Variants in DFFB observed in about 807,000 individuals in gnomAD.
The protein encoded by DFFB is DNA fragmentation factor subunit beta, also known as DNA fragmentation factor 40 kDa subunit.
In DFFB, 29 loss-of-function variants were observed where a neutral mutation model predicts 32.7. The observed-to-expected ratio is 0.89, with a 90% CI of 0.66 to 1.21. The LOEUF (loss-of-function observed/expected upper bound fraction) is 1.21. Among genes scored for constraint, DFFB ranks in the 50% most tolerant of loss-of-function variants. DFFB has a pLI of 0.00. For synonymous variants in DFFB, 170 were observed against 177.1 expected (o/e 0.96, Z 0.32); for missense variants, 398 against 440.6 (o/e 0.90, Z 0.87).
intron 2 of DFFB, among the ~76,000 whole-genome samples, chr1:3,861,730 C>G (rs1438593838): frequency 1.3e-5 from 2 of 152,214 alleles, no homozygotes; most frequent in East Asian, 3.8e-4. Flanking sequence ...ACCTGGCCAT[C>G]TTGACAGGTT....
Position 3,884,082 on chromosome 1 carries a change from C to T in DFFB, c.*341C>T, listed in dbSNP as rs1638279261. 1 of 285,058 alleles carries T rather than the reference C, an allele frequency of 3.5e-6. No individual in the cohort carries two copies. The highest frequency in any genetic ancestry group is 6.8e-6 in the Non-Finnish European group (1 of 147,278). 17.7% of individuals were successfully genotyped at this position (285,058 alleles called of 1,614,324 possible). A position where few individuals can be genotyped will look rare whatever the true frequency, so the allele number is the denominator to read the frequency against. On this transcript the variant is annotated 3_prime_UTR_variant, in exon 7 of 7. Coordinates refer to ENST00000378209, the MANE Select transcript of DFFB (RefSeq NM_004402.4). ...TATTTTTAGTAGAGACGGGGTTTCA[C>T]CATGTTGGTCAGGCTGGTCTCAAAC...
At chr1:3,861,724 G>T (rs1644884727) in intron 2 of DFFB, among the ~76,000 whole-genome samples, 1 of 152,220 alleles carries the variant, frequency 6.6e-6, no homozygotes, top group Admixed American at 6.5e-5. Flanking sequence ...CACCGCACCT[G>T]GCCATCTTGA....
At chr1:3,868,664 A>ACCACACCAGGCCACGCCACACCAGG in intron 4 of DFFB, among the ~76,000 whole-genome samples, 2 of 8,952 alleles carry the variant, frequency 2.2e-4, no homozygotes, top group Non-Finnish European at 4.2e-4. Flanking sequence ...ACCAGGCCAC[A>ACCACACCAGGCCACGCCACACCAGG]CCACACCACA....
intron 2 of DFFB, 81 bp downstream of exon 2, chr1:3,858,925 G>A: frequency 6.4e-7 from 1 of 1,569,202 alleles, no homozygotes; most frequent in South Asian, 1.1e-5. Flanking sequence ...GTGCCCATCA[G>A]GGTGGGGAAG....
intron 5 of DFFB, among the ~76,000 whole-genome samples, chr1:3,871,965 C>T (rs954985493): frequency 6.6e-6 from 1 of 152,136 alleles, no homozygotes; most frequent in Non-Finnish European, 1.5e-5. Flanking sequence ...GGGCAGCACC[C>T]AGGCGATGGT....
Position 3,865,989 on chromosome 1 carries a change from C to T in DFFB, c.419C>T (p.Pro140Leu), listed in dbSNP as rs773522402. ...GCCGAGACCCGGGCTGAGGACCCGC[C>T]GTGGTTTGAAGGTGCGTGGGGGCTG... Reference protein sequence around the residue: ...IAAETRAEDPPWFEGLESRFQ... With the variant: ...IAAETRAEDPLWFEGLESRFQ... The change falls in exon 3 of 7, where the codon CCG becomes CTG. Residue 140 changes from proline (P) to leucine (L), a missense_variant. By Grantham distance (98) the Pro-to-Leu change is moderately conservative. Transcript: ENST00000378209. This position sits in a 1 kb window ranked among gnomAD's most constrained non-coding sequence, Gnocchi z 4.7. 21 of 1,567,432 alleles carry T rather than the reference C, an allele frequency of 1.3e-5. No individual in the cohort carries two copies. The highest frequency in any genetic ancestry group is 6.8e-5 in the African/African-American group (5 of 73,922).
chr1:3,867,481 T>C (rs1645007989), intron 3 of DFFB, among the ~76,000 whole-genome samples: 1 of 152,240 alleles, frequency 6.6e-6, no homozygotes, highest in South Asian at 2.1e-4. Context: ...AGAAGCTCCT[T>C]GGTGGTATTT....
chr1:3,880,786 T>C (rs1038267162), intron 6 of DFFB, among the ~76,000 whole-genome samples: 1 of 151,980 alleles, frequency 6.6e-6, no homozygotes, highest in East Asian at 1.9e-4. Context: ...AAGTGTTTCC[T>C]GTAGGCCTCC....
chr1:3,884,356 G>A lies in DFFB; in HGVS notation c.*615G>A, dbSNP rs1638296592. The A allele has an allele frequency of 6.5e-6, 1 of 153,676 alleles. No homozygotes were observed. The highest frequency in any genetic ancestry group is 1.9e-4 in the East Asian group (1 of 5,232). The allele number at this position is 153,676 out of a possible 1,614,324, so 9.5% of individuals were successfully genotyped here. ...CCAGCGTTGGGTTTGCTCATGTAAT[G>A]TGGTCACCATACTCAAATGGTGTCA... On this transcript the variant is annotated 3_prime_UTR_variant, in exon 7 of 7. Coordinates refer to ENST00000378209, the MANE Select transcript of DFFB (RefSeq NM_004402.4).
At chr1:3,866,622 C>A (rs553079159) in intron 3 of DFFB, among the ~76,000 whole-genome samples, 2 of 152,106 alleles carry the variant, frequency 1.3e-5, no homozygotes, top group Non-Finnish European at 2.9e-5. Context: ...CACAGGTCAT[C>A]GGCATTAGGT....
intron 3 of DFFB, 106 bp from the exon 4 acceptor site, chr1:3,867,868 T>C: frequency 1.1e-6 from 1 of 942,430 alleles, no homozygotes; most frequent in South Asian, 1.3e-5. Flanking sequence ...TGAAGCAGTA[T>C]GACCCTCATA....
chr1:3,878,641 A>G (rs1219729228), intron 6 of DFFB, among the ~76,000 whole-genome samples: 1 of 152,056 alleles, frequency 6.6e-6, no homozygotes, highest in South Asian at 2.1e-4. Context: ...TTTGGCGTTC[A>G]TGGTGTCCCT....
At chr1:3,872,631 T>TGTCCCTGCCGA in intron 6 of DFFB, 59 bp downstream of exon 6, 3 of 1,397,724 alleles carry the variant, frequency 2.1e-6, no homozygotes, top group Non-Finnish European at 3.0e-6. Context: ...GTCCCTGCCG[T>TGTCCCTGCCGA]GGCCCTGTCC....
chr1:3,867,582 G>A (rs1436518898), intron 3 of DFFB: 3 of 182,428 alleles, frequency 1.6e-5, no homozygotes, highest in South Asian at 1.2e-4. Context: ...GCCAGGTGTC[G>A]TTGCTCACAC....
intron 5 of DFFB, among the ~76,000 whole-genome samples, chr1:3,870,356 C>A (rs1645086982): frequency 6.6e-6 from 1 of 152,214 alleles, no homozygotes; most frequent in Admixed American, 6.5e-5. Context: ...CCGAGTGCCA[C>A]TCAGTGGGTC....
intron 6 of DFFB, among the ~76,000 whole-genome samples, chr1:3,874,093 A>G (rs139361830): frequency 0.014 from 2,161 of 150,086 alleles, 72 homozygotes; most frequent in African/African-American, 0.052. Flanking sequence ...ATGTACATAC[A>G]TGGTGGCCCA....
intron 6 of DFFB, among the ~76,000 whole-genome samples, 196 bp from the exon 7 acceptor site, chr1:3,883,310 TC>T (rs1195509716): frequency 6.6e-6 from 1 of 152,154 alleles, no homozygotes; most frequent in Non-Finnish European, 1.5e-5. Context: ...CGGCCACAAG[TC>T]AAGTTTTAAA....
At chr1:3,870,317 C>T (rs1290532987) in intron 5 of DFFB, among the ~76,000 whole-genome samples, 2 of 152,190 alleles carry the variant, frequency 1.3e-5, no homozygotes, top group Admixed American at 6.5e-5. Context: ...GTTGCATTCC[C>T]GGTAAGGTCC....
chr1:3,876,638 C>G (rs1645228165), intron 6 of DFFB, among the ~76,000 whole-genome samples: 1 of 152,196 alleles, frequency 6.6e-6, no homozygotes, highest in South Asian at 2.1e-4. Context: ...GCATGCTGTC[C>G]CCCTACCTGG....
Sources: allele counts gnomAD v4.1 joint callset (sites outside exome capture counted in the v4.1 genomes callset), GRCh38; gene constraint gnomAD v4.1.1; non-coding constraint Gnocchi (gnomAD v3.1); transcripts MANE v1.5; gene names NCBI Gene and HGNC (gene_info 2026-07-23, HGNC 2026-07-21).